The following AP1B1 variants were observed in gnomAD, a reference collection of about 807,000 sequenced individuals.
The protein encoded by AP1B1 is AP-1 complex subunit beta-1.
AP1B1 carries 36 observed loss-of-function variants against 104.3 expected under a neutral mutation model. The ratio of observed to expected loss-of-function variants is 0.35; its 90% CI spans 0.26 to 0.46. The LOEUF (loss-of-function observed/expected upper bound fraction) is 0.46. Among genes scored for constraint, AP1B1 ranks in the 20% least tolerant of loss-of-function variants. AP1B1 has a pLI of 1.00. For synonymous variants in AP1B1, 504 were observed against 517.5 expected, an observed-to-expected ratio of 0.97 and a Z score of 0.35; for missense variants, 901 against 1,247.9, an observed-to-expected ratio of 0.72 and a Z score of 4.19.
At chr22:29,380,375 A>G (rs1198274403) in intron 1 of AP1B1, among the ~76,000 whole-genome samples, 2 of 148,432 alleles carry the variant, frequency 1.3e-5, no homozygotes, top group Non-Finnish European at 3.0e-5. Context: ...TCACAGCTTT[A>G]CATACCATCC....
At position 29,358,797 on chromosome 22, in the gene AP1B1, T is replaced by G. The variant is rs762567977; in HGVS notation, c.454A>C (p.Asn152His). The G allele has an allele frequency of 1.2e-6, 2 of 1,614,222 alleles. No individual in the cohort carries two copies. The highest frequency in any genetic ancestry group is 1.7e-6 in the Non-Finnish European group (2 of 1,180,040). ...CCCTGGTCCTCCACCAGCTGGGCGTTGATGTCGTGGAGCTTGGCCACGCAC... is the reference window on the plus strand; with the variant it reads ...CCCTGGTCCTCCACCAGCTGGGCGTGGATGTCGTGGAGCTTGGCCACGCAC... ...AVCVAKLHDI[N>H]AQLVEDQGFL... The change falls in exon 5 of 23, where the codon AAC becomes CAC. Residue 152 changes from asparagine to histidine, a missense_variant. By Grantham distance (68) the Asn-to-His change is moderately conservative. Around this residue, in one of 3 missense-constraint regions of AP1B1, gnomAD observed 471 missense variants for 696.7 expected, o/e 0.68. Coordinates refer to ENST00000357586, the MANE Select transcript of AP1B1 (RefSeq NM_001127.4).
At chr22:29,345,109 A>T (rs929621600) in intron 11 of AP1B1, among the ~76,000 whole-genome samples, 3 of 152,084 alleles carry the variant, frequency 2.0e-5, no homozygotes, top group African/African-American at 7.2e-5. Context: ...CCCAGGCTGG[A>T]GTGCAGTGGT....
intron 1 of AP1B1, among the ~76,000 whole-genome samples, chr22:29,381,982 T>G (rs1055004175): frequency 6.6e-6 from 1 of 151,470 alleles, no homozygotes; most frequent in Non-Finnish European, 1.5e-5. Context: ...AAAGATAACT[T>G]CCCTTCAGCG....
chr22:29,379,320 C>T lies in AP1B1; in HGVS notation c.-28+9104G>A, dbSNP rs572693032. On this transcript the variant is annotated intron_variant, in intron 1 of 22. Coordinates refer to ENST00000357586, the MANE Select transcript of AP1B1 (RefSeq NM_001127.4). The stretch of plus-strand genomic sequence containing the variant: ...CTCTGGCCTGGGTGACAGAGCAAGA[C>T]TCCATCTCAAAAAAAGAAAAAGTTC... Among the ~76,000 whole-genome samples the T allele has an allele frequency of 2.0e-5, 3 of 152,242 alleles. No homozygotes were observed. The East Asian group carries it at 5.8e-4, about 29-fold the overall frequency.
intron 1 of AP1B1, among the ~76,000 whole-genome samples, chr22:29,369,315 C>A (rs2062193819): frequency 6.6e-6 from 1 of 152,072 alleles, no homozygotes; most frequent in Non-Finnish European, 1.5e-5. Context: ...GAGAGACACC[C>A]ATAGATTTTG....
In AP1B1 at chr22:29,350,205, G is replaced by T. The variant is rs987124027; in HGVS notation, c.1156-55C>A. On this transcript the variant is annotated intron_variant, in intron 9 of 22. Coordinates refer to ENST00000357586, the MANE Select transcript of AP1B1 (RefSeq NM_001127.4). The stretch of plus-strand genomic sequence containing the variant: ...GTCCCCGCACCCCATTTCCAGTAGA[G>T]CCTCTGATGTCCACGCCTCGGCCAA... 7 of 1,413,940 alleles carry T rather than the reference G, an allele frequency of 5.0e-6. No homozygotes were observed. In the African/African-American group the frequency reaches 8.5e-5, roughly 17 times the overall value. The allele number at this position is 1,413,940 out of a possible 1,614,324, so 87.6% of individuals were successfully genotyped here.
At chr22:29,351,394 G>T in intron 8 of AP1B1, 128 bp from the exon 9 acceptor site, 1 of 1,123,094 alleles carries the variant, frequency 8.9e-7, no homozygotes, top group Non-Finnish European at 1.3e-6. Context: ...CAGGTAGAAG[G>T]CCCAAGGGAG....
chr22:29,361,844 G>A (rs937858314), intron 3 of AP1B1, among the ~76,000 whole-genome samples: 12 of 151,848 alleles, frequency 7.9e-5, no homozygotes, highest in Non-Finnish European at 1.5e-4. Flanking sequence ...GCCCAGGCTG[G>A]AGTGCAGTGG....
intron 1 of AP1B1, among the ~76,000 whole-genome samples, chr22:29,381,621 C>T (rs938725907): frequency 1.3e-5 from 2 of 152,170 alleles, no homozygotes; most frequent in African/African-American, 2.4e-5. Context: ...ACCCCTAGCA[C>T]ATTTACAGCC....
chr22:29,335,016 C>T (rs2061617804), intron 16 of AP1B1, among the ~76,000 whole-genome samples: 1 of 152,188 alleles, frequency 6.6e-6, no homozygotes, highest in Admixed American at 6.5e-5. Flanking sequence ...GGAACCCTGC[C>T]CCCAGGTTCC....
At chr22:29,349,047 CTG>C (rs2061833694) in intron 11 of AP1B1, among the ~76,000 whole-genome samples, 169 bp downstream of exon 11, 1 of 152,222 alleles carries the variant, frequency 6.6e-6, no homozygotes, top group South Asian at 2.1e-4. Context: ...CCCGACTCGA[CTG>C]TACTGCAGTG....
intron 1 of AP1B1, among the ~76,000 whole-genome samples, chr22:29,379,566 A>T (rs531796462): frequency 6.6e-6 from 1 of 152,252 alleles, no homozygotes; most frequent in Non-Finnish European, 1.5e-5. Context: ...GCATGCACAC[A>T]GTAAACAAAG....
Position 29,341,403 on chromosome 22 carries a change from G to T in AP1B1, c.1796+98C>A. The T allele has an allele frequency of 3.4e-6, 5 of 1,475,942 alleles. 1 individual carries two copies. In the South Asian group the frequency reaches 6.5e-5, roughly 19 times the overall value. 91.4% of individuals were successfully genotyped at this position (1,475,942 alleles called of 1,614,324 possible). The stretch of plus-strand genomic sequence containing the variant: ...GGTTGTCAGTTTTCCTCAGACTCAG[G>T]TCTTGCTGGGGGACAACACGCCAGG... On this transcript the variant is annotated intron_variant, in intron 13 of 22. Coordinates refer to ENST00000357586, the MANE Select transcript of AP1B1 (RefSeq NM_001127.4).
intron 11 of AP1B1, among the ~76,000 whole-genome samples, chr22:29,343,581 C>T (rs2061745639): frequency 6.6e-6 from 1 of 152,242 alleles, no homozygotes. Flanking sequence ...CCGTTTACCC[C>T]CATCTGTAAA....
In AP1B1 at chr22:29,330,019, G is replaced by A. The variant is rs1483302891; in HGVS notation, c.2767-299C>T. 6 of 1,409,534 alleles carry A rather than the reference G, an allele frequency of 4.3e-6. No homozygotes were observed. The East Asian group carries it at 1.3e-4, about 31-fold the overall frequency. 87.3% of individuals were successfully genotyped at this position (1,409,534 alleles called of 1,614,324 possible). On this transcript the variant is annotated intron_variant, in intron 21 of 22. Transcript: ENST00000357586. ...AAAGGCTGGGAGGTTCAGGCTCCTG[G>A]GAACCACTGTCCTCCCAGCTGGACA...
In AP1B1 at chr22:29,329,075, C is replaced by T. The variant is rs751155902; in HGVS notation, c.2776-180G>A. 1.5e-5 allele frequency: 21 copies of T among 1,412,972 alleles called. No individual in the cohort carries two copies. The East Asian group carries it at 3.7e-4, about 25-fold the overall frequency. The allele number at this position is 1,412,972 out of a possible 1,614,324, so 87.5% of individuals were successfully genotyped here. On this transcript the variant is annotated intron_variant, in intron 22 of 22. Coordinates refer to ENST00000357586, the MANE Select transcript of AP1B1 (RefSeq NM_001127.4). ...GGAGGGGGCGGCTGTCGCAGCCAGC[C>T]GGGTGTGGACCAAATATACTTGCAG...
At chr22:29,375,859 TA>T (rs1323653728) in intron 1 of AP1B1, among the ~76,000 whole-genome samples, 1 of 152,234 alleles carries the variant, frequency 6.6e-6, no homozygotes, top group East Asian at 1.9e-4. Context: ...GTGGGAGGCC[TA>T]GAGCCTGGCT....
chr22:29,345,737 T>G (rs1328890959), intron 11 of AP1B1, among the ~76,000 whole-genome samples: 2 of 152,198 alleles, frequency 1.3e-5, no homozygotes, highest in Non-Finnish European at 2.9e-5. Flanking sequence ...CAGGCTGGAG[T>G]GCAGTTGTGC....
intron 1 of AP1B1, among the ~76,000 whole-genome samples, chr22:29,368,888 C>T (rs1391425337): frequency 1.3e-5 from 2 of 151,858 alleles, no homozygotes; most frequent in Admixed American, 6.6e-5. Context: ...GACTGTGCCA[C>T]AGCACTCCAG....
Sources: allele counts gnomAD v4.1 joint callset (sites outside exome capture counted in the v4.1 genomes callset), GRCh38; gene constraint gnomAD v4.1.1; regional missense constraint gnomAD v4.1.1; transcripts MANE v1.5; gene names NCBI Gene and HGNC (gene_info 2026-07-23, HGNC 2026-07-21).